Variants in DOCK4 observed in about 807,000 individuals in gnomAD.
DOCK4 encodes dedicator of cytokinesis protein 4.
In DOCK4, 97 loss-of-function variants were observed where a neutral mutation model predicts 268.1. That is an observed-to-expected ratio of 0.36 (90% CI 0.31 to 0.43). DOCK4 has a LOEUF of 0.43. DOCK4 is among the 20% of genes least tolerant of loss of function. The pLI is 1.00. For synonymous variants in DOCK4, 954 were observed against 887.2 expected, an observed-to-expected ratio of 1.08 and a Z score of -1.34; for missense variants, 2,145 against 2,455.7, an observed-to-expected ratio of 0.87 and a Z score of 2.67.
chr7:112,201,453 G>A (rs1010086099), intron 1 of DOCK4, among the ~76,000 whole-genome samples: 7 of 152,120 alleles, frequency 4.6e-5, no homozygotes, highest in Non-Finnish European at 5.9e-5. Context: ...AATCCAGCCC[G>A]TGTTCTCCTG....
chr7:112,186,239 G>T lies in DOCK4; in HGVS notation c.37+19863C>A, dbSNP rs191844970. On this transcript the variant is annotated intron_variant, in intron 1 of 52. Transcript: ENST00000428084. ...TGCTTCAATATTTACTATGAATTTT[G>T]TCAGTTGCTTAGCTTTATGGTAACA... 2.5e-3 allele frequency among the ~76,000 whole-genome samples: 376 copies of T among 152,274 alleles called. 1 individual carries two copies. The highest frequency in any genetic ancestry group is 6.8e-3 in the South Asian group (33 of 4,824).
intron 1 of DOCK4, among the ~76,000 whole-genome samples, chr7:112,149,808 C>A (rs1393227513): frequency 6.6e-6 from 1 of 152,160 alleles, no homozygotes; most frequent in Non-Finnish European, 1.5e-5. Flanking sequence ...CTTGTCCTAT[C>A]AACAGGCTTC....
intron 16 of DOCK4, among the ~76,000 whole-genome samples, chr7:111,890,287 G>T (rs1290907757): frequency 6.6e-6 from 1 of 152,044 alleles, no homozygotes; most frequent in Non-Finnish European, 1.5e-5. Context: ...GGTAGCTGAA[G>T]AAGCTTAGCC....
At chr7:112,133,289 G>A (rs1312233619) in intron 1 of DOCK4, among the ~76,000 whole-genome samples, 1 of 152,080 alleles carries the variant, frequency 6.6e-6, no homozygotes, top group African/African-American at 2.4e-5. Context: ...AGAGTCCAGG[G>A]CTGATCGAGA....
At chr7:112,146,387 A>G (rs1815493056) in intron 1 of DOCK4, among the ~76,000 whole-genome samples, 1 of 152,130 alleles carries the variant, frequency 6.6e-6, no homozygotes, top group Admixed American at 6.6e-5. Context: ...GTGTTAAATA[A>G]AATAGAGGAA....
chr7:112,190,843 T>C (rs1187410526), intron 1 of DOCK4, among the ~76,000 whole-genome samples: 3 of 151,970 alleles, frequency 2.0e-5, no homozygotes, highest in Non-Finnish European at 4.4e-5. Flanking sequence ...ACCAAAGAGG[T>C]ACCTATTAAG....
intron 44 of DOCK4, 62 bp downstream of exon 44, chr7:111,746,272 C>A (rs1310875436): frequency 1.0e-5 from 14 of 1,365,312 alleles, no homozygotes; most frequent in Non-Finnish European, 1.4e-5. Flanking sequence ...GCAGAGGGGG[C>A]TCTAGGTAAG....
Position 111,767,077 on chromosome 7 carries a change from C to T in DOCK4, c.3870G>A (p.Glu1290=). 1 of 1,613,848 alleles carries T rather than the reference C, an allele frequency of 6.2e-7. No individual in the cohort carries two copies. Among genetic ancestry groups the T allele is most frequent in the Non-Finnish European group, 8.5e-7 (1 of 1,179,830 alleles). Residue 1290 remains glutamate, a synonymous_variant, in exon 38 of 53, where the codon GAG becomes GAA. Transcript: ENST00000428084. ...TGTAGTCATAATAACTCTCATACTG[C>T]TCTGCAATCTTCCGGCACAAGATAA... is the stretch of plus-strand genomic sequence containing the variant. ...NGIILCRKIA[E]QYESYYDYRN...
At chr7:111,998,537 C>T in intron 3 of DOCK4, 34 bp from the exon 4 acceptor site, 1 of 1,541,528 alleles carries the variant, frequency 6.5e-7, no homozygotes, top group Non-Finnish European at 8.8e-7. Context: ...ACGATGCCGG[C>T]TGTTAAGGCA....
chr7:111,781,859 G>C lies in DOCK4; in HGVS notation c.3585+1005C>G, dbSNP rs550781507. Reference sequence around the variant, plus strand: ...TGAGCTAAGAAAAGACAAAATCAAAGTAGGGGCAAAAGAATTTCAAGGTGC... The same window carrying C: ...TGAGCTAAGAAAAGACAAAATCAAACTAGGGGCAAAAGAATTTCAAGGTGC... On this transcript the variant is annotated intron_variant, in intron 35 of 52. Coordinates refer to ENST00000428084, the MANE Select transcript of DOCK4 (RefSeq NM_001363540.2). 4.6e-5 allele frequency among the ~76,000 whole-genome samples: 7 copies of C among 152,258 alleles called. No homozygotes were observed. The South Asian group carries it at 1.2e-3, about 27-fold the overall frequency.
intron 1 of DOCK4, among the ~76,000 whole-genome samples, chr7:112,105,984 C>T (rs1811118148): frequency 6.6e-6 from 1 of 152,210 alleles, no homozygotes; most frequent in Non-Finnish European, 1.5e-5. Context: ...AGCCACTGCG[C>T]CCAGCCAGAG....
chr7:112,023,034 TCTC>T (rs1802465166), intron 1 of DOCK4, among the ~76,000 whole-genome samples: 1 of 152,118 alleles, frequency 6.6e-6, no homozygotes, highest in African/African-American at 2.4e-5. Flanking sequence ...TTTCAGCGAT[TCTC>T]CTGCCTTTGC....
intron 1 of DOCK4, among the ~76,000 whole-genome samples, chr7:112,054,349 C>T (rs1401170632): frequency 3.3e-5 from 5 of 151,968 alleles, no homozygotes; most frequent in South Asian, 2.1e-4. Flanking sequence ...ATGATGAGAC[C>T]TATCATTATA....
At chr7:112,205,995 T>G in intron 1 of DOCK4, 107 bp downstream of exon 1, 3 of 1,257,074 alleles carry the variant, frequency 2.4e-6, no homozygotes, top group African/African-American at 1.5e-5. Context: ...GATGCCAGGA[T>G]TAGGCATTTT....
rs1482644244 is a variant in DOCK4, at chr7:111,968,494, T to C, written c.701+8638A>G. On this transcript the variant is annotated intron_variant, in intron 8 of 52. Transcript: ENST00000428084. ...TCACTGGCCATCAGAGAAATGCAAA[T>C]CAAAACCACTATGAGATATCATCTC... Among the ~76,000 whole-genome samples, 4 of 98,052 alleles carry C rather than the reference T, an allele frequency of 4.1e-5. No individual in the cohort carries two copies. In the East Asian group the frequency reaches 1.6e-3, roughly 40 times the overall value. The allele number at this position is 98,052 out of a possible 152,430, so 64.3% of individuals were successfully genotyped here. A position where few individuals can be genotyped will look rare whatever the true frequency, so the allele number is the denominator to read the frequency against.
intron 1 of DOCK4, among the ~76,000 whole-genome samples, chr7:112,173,546 T>C (rs1818254189): frequency 1.3e-5 from 2 of 151,988 alleles, no homozygotes; most frequent in South Asian, 4.1e-4. Context: ...TTATGGGCGG[T>C]CAGCAGCTAG....
Position 112,078,865 on chromosome 7 carries a change from C to T in DOCK4, c.38-74734G>A, listed in dbSNP as rs375860108. ...ATACGGCCGGGTGCGGTGGCTCACA[C>T]CTGTAATCCTAGCAATTTGGGAGGT... On this transcript the variant is annotated intron_variant, in intron 1 of 52. Coordinates refer to ENST00000428084, the MANE Select transcript of DOCK4 (RefSeq NM_001363540.2). Among the ~76,000 whole-genome samples, 6 of 152,264 alleles carry T rather than the reference C, an allele frequency of 3.9e-5. No homozygotes were observed. In the East Asian group the frequency reaches 7.7e-4, roughly 20 times the overall value.
At chr7:111,989,191 G>C (rs372683571) in intron 5 of DOCK4, 28 bp from the exon 6 acceptor site, 15 of 1,612,922 alleles carry the variant, frequency 9.3e-6, no homozygotes, top group Non-Finnish European at 1.3e-5. Context: ...GTGGAGATTT[G>C]GCAGTCAGTA....
Position 111,739,134 on chromosome 7 carries a change from C to T in DOCK4, c.5232G>A (p.Gln1744=). The change falls in exon 49 of 53, where the codon CAG becomes CAA. Residue 1744 remains glutamine (Q), a splice_region_variant and synonymous_variant. Transcript: ENST00000428084. ...AIYPTPVEPS[Q]RMLFNHIGDG... The stretch of plus-strand genomic sequence containing the variant: ...AGTTTCTCTACCCTACAAGGAGTAC[C>T]TGCGAAGGCTCCACAGGTGTTGGAT... The T allele has an allele frequency of 6.2e-7, 1 of 1,611,946 alleles. No homozygotes were observed. The highest frequency in any genetic ancestry group is 8.5e-7 in the Non-Finnish European group (1 of 1,178,152).
Sources: allele counts gnomAD v4.1 joint callset (sites outside exome capture counted in the v4.1 genomes callset), GRCh38; gene constraint gnomAD v4.1.1; transcripts MANE v1.5; gene names NCBI Gene and HGNC (gene_info 2026-07-23, HGNC 2026-07-21).